ODF2: variants seen among roughly 807,000 people sequenced by gnomAD.
ODF2 encodes outer dense fiber of sperm tails 2, also known as outer dense fiber protein 2.
ODF2 carries 47 observed loss-of-function variants against 110.2 expected under a neutral mutation model. That is an observed-to-expected ratio of 0.43 (90% CI 0.34 to 0.54). ODF2 has a LOEUF of 0.54. ODF2 is among the 20% of genes least tolerant of loss of function. The pLI is 0.03. For missense variants in ODF2, 812 were observed against 1,054.5 expected, an observed-to-expected ratio of 0.77 and a Z score of 3.19; for synonymous variants, 352 against 397.7, an observed-to-expected ratio of 0.89 and a Z score of 1.37.
At chr9:128,496,463 G>A (rs1247766785) in intron 18 of ODF2, among the ~76,000 whole-genome samples, 1 of 152,194 alleles carries the variant, frequency 6.6e-6, no homozygotes, top group African/African-American at 2.4e-5. Flanking sequence ...GTATACTGTG[G>A]TGGGGGCACT....
intron 10 of ODF2, 94 bp from the exon 11 acceptor site, chr9:128,483,844 C>G (rs1355382328): frequency 2.4e-6 from 2 of 845,562 alleles, no homozygotes; most frequent in Non-Finnish European, 4.0e-6. Flanking sequence ...TGAGATTGCG[C>G]CACTGCACTC....
chr9:128,458,303 A>T (rs553839430), intron 2 of ODF2, among the ~76,000 whole-genome samples: 2 of 152,206 alleles, frequency 1.3e-5, no homozygotes, highest in Non-Finnish European at 2.9e-5. Flanking sequence ...AAACATAAAA[A>T]ATTAGCTGGG....
intron 18 of ODF2, chr9:128,496,353 A>G (rs2132291276): frequency 1.4e-6 from 2 of 1,423,268 alleles, no homozygotes; most frequent in African/African-American, 2.8e-5. Flanking sequence ...ACACTCCATG[A>G]CAGCATGATC....
intron 1 of ODF2, chr9:128,457,169 G>A (rs781183344): frequency 1.3e-6 from 2 of 1,491,718 alleles, no homozygotes; most frequent in Non-Finnish European, 1.8e-6. Context: ...AGGTCGCTCA[G>A]CCTCTACTAT....
chr9:128,481,483 A>AAAG, intron 8 of ODF2, 97 bp from the exon 9 acceptor site: 1 of 1,025,814 alleles, frequency 9.7e-7, no homozygotes, highest in Non-Finnish European at 1.4e-6. Flanking sequence ...AAAAAAAAAA[A>AAAG]AAATACAATT....
chr9:128,494,371 G>A lies in ODF2; in HGVS notation c.1753-139G>A, dbSNP rs1845220410. On this transcript the variant is annotated intron_variant, in intron 16 of 20. Coordinates refer to ENST00000604420, the Ensembl canonical transcript of ODF2. The surrounding 1 kb of genome is among the most constrained non-coding windows in gnomAD (Gnocchi z 4.6). Reference sequence around the variant, plus strand: ...GGGGAGTGTAGGCCACACTTCTGCTGTGGATTTTGCAGGATCCTCCACTGG... The same window carrying A: ...GGGGAGTGTAGGCCACACTTCTGCTATGGATTTTGCAGGATCCTCCACTGG... The A allele has an allele frequency of 2.8e-6, 2 of 708,000 alleles. No individual in the cohort carries two copies. The highest frequency in any genetic ancestry group is 3.7e-5 in the South Asian group (2 of 53,814). The allele number at this position is 708,000 out of a possible 1,614,324, so 43.9% of individuals were successfully genotyped here.
At chr9:128,460,389 C>T (rs935040016) in intron 3 of ODF2, 161 bp from the exon 3 acceptor site, 2 of 1,421,774 alleles carry the variant, frequency 1.4e-6, no homozygotes, top group African/African-American at 2.9e-5. Context: ...GAATGATACT[C>T]CCGCCTTACT....
At position 128,485,468 on chromosome 9, in the gene ODF2, T is replaced by G. The variant is rs1173122210; in HGVS notation, c.1394T>G (p.Leu465Arg). The G allele has an allele frequency of 6.4e-7, 1 of 1,551,770 alleles. No homozygotes were observed. Among genetic ancestry groups the G allele is most frequent in the Admixed American group, 1.7e-5 (1 of 59,672 alleles). The change falls in exon 13 of 21, where the codon CTG becomes CGG. Residue 465 changes from leucine (L) to arginine (R), a missense_variant. Leu to Arg is a moderately radical substitution (Grantham distance 102). Transcript: ENST00000604420. The surrounding 1 kb of genome is among the most constrained non-coding windows in gnomAD (Gnocchi z 5.0). ...GACCTTGAGCTGGAAATTATTGTCC[T>G]GAATGAGTACGTCTTAGAGTAGGAG...
chr9:128,499,308 C>T (rs1005373015), intron 20 of ODF2, among the ~76,000 whole-genome samples, 182 bp downstream of exon 20: 5 of 152,138 alleles, frequency 3.3e-5, no homozygotes, highest in Admixed American at 2.0e-4. Flanking sequence ...TATTTAGAGA[C>T]GGAGTCTCCC....
In ODF2 at chr9:128,484,996, G is replaced by A. The variant is rs1843102023; in HGVS notation, c.1290+110G>A. ...GGGGAGGGGTGGGTGGATGAGGGAT[G>A]GTAGTGGTGGAAAGGATAGATGGCT... On this transcript the variant is annotated intron_variant, in intron 12 of 20. Coordinates refer to ENST00000604420, the Ensembl canonical transcript of ODF2. 3.7e-5 allele frequency: 43 copies of A among 1,158,798 alleles called. No homozygotes were observed. The South Asian group carries it at 5.6e-4, about 15-fold the overall frequency. The allele number at this position is 1,158,798 out of a possible 1,614,324, so 71.8% of individuals were successfully genotyped here.
intron 8 of ODF2, among the ~76,000 whole-genome samples, chr9:128,475,156 C>A (rs1036891640): frequency 6.6e-6 from 1 of 152,060 alleles, no homozygotes; most frequent in African/African-American, 2.4e-5. Context: ...ATTTACATAG[C>A]ATTTACCTTG....
exon 8 of ODF2, chr9:128,473,703 A>G: frequency 6.2e-7 from 1 of 1,613,082 alleles, no homozygotes; most frequent in Non-Finnish European, 8.5e-7. Context: ...GACCAACCGC[A>G]CCCTCCGAGA....
At chr9:128,466,029 C>T (rs1435941649) in intron 4 of ODF2, among the ~76,000 whole-genome samples, 1 of 150,998 alleles carries the variant, frequency 6.6e-6, no homozygotes, top group African/African-American at 2.4e-5. Flanking sequence ...ATATCAGCTA[C>T]ACAGAAGGCT....
rs1264087726 is a variant in ODF2, at chr9:128,494,714, G to A, written c.1911+46G>A. ...GTCCCACGAACTGACCCGAGCAGGG[G>A]CCCGCATACCAAGATGAGCTGCACG... On this transcript the variant is annotated intron_variant, in intron 17 of 20. Transcript: ENST00000604420. The surrounding 1 kb of genome is among the most constrained non-coding windows in gnomAD (Gnocchi z 4.6). The A allele has an allele frequency of 1.2e-6, 2 of 1,614,114 alleles. No homozygotes were observed. Among genetic ancestry groups the A allele is most frequent in the South Asian group, 1.1e-5 (1 of 91,084 alleles).
intron 8 of ODF2, among the ~76,000 whole-genome samples, chr9:128,479,755 A>G (rs1251863336): frequency 6.6e-6 from 1 of 152,166 alleles, no homozygotes; most frequent in Non-Finnish European, 1.5e-5. Flanking sequence ...GCAGTGGCAT[A>G]TTAGAGACAC....
intron 4 of ODF2, among the ~76,000 whole-genome samples, chr9:128,467,247 A>T (rs534899297): frequency 1.3e-5 from 2 of 150,960 alleles, no homozygotes; most frequent in Non-Finnish European, 2.9e-5. Context: ...CGTACAGAAT[A>T]CTGTAGGCAA....
In ODF2 at chr9:128,492,299, A is replaced by G. The variant is rs553182948; in HGVS notation, c.1537-127A>G. ...TTACCTGCTTCTCGGTGCTTCTCTC[A>G]GGGAAAGTGCTCTGTGGGTTAGAGT... On this transcript the variant is annotated intron_variant, in intron 14 of 20. Coordinates refer to ENST00000604420, the Ensembl canonical transcript of ODF2. 2.5e-4 allele frequency: 168 copies of G among 683,772 alleles called. 1 individual carries two copies. The highest frequency in any genetic ancestry group is 1.2e-3 in the South Asian group (73 of 62,342). 42.4% of individuals were successfully genotyped at this position (683,772 alleles called of 1,614,324 possible). A position where few individuals can be genotyped will look rare whatever the true frequency, so the allele number is the denominator to read the frequency against.
exon 21 of ODF2, chr9:128,500,284 T>G (rs568492334): frequency 1.7e-5 from 28 of 1,610,290 alleles, no homozygotes; most frequent in Non-Finnish European, 2.4e-5. Flanking sequence ...GGAGCCCTGA[T>G]GGAAGCCATA....
intron 2 of ODF2, among the ~76,000 whole-genome samples, chr9:128,458,522 C>T (rs1207279728): frequency 6.7e-6 from 1 of 148,990 alleles, no homozygotes; most frequent in Non-Finnish European, 1.5e-5. Context: ...AGGCCCTTCC[C>T]ATCCTGGACT....
Sources: gnomAD v4.1 joint callset for allele counts (sites outside exome capture counted in the v4.1 genomes callset) on GRCh38, gnomAD v4.1.1 for gene constraint, Gnocchi (gnomAD v3.1) non-coding constraint, MANE v1.5 for transcripts, NCBI Gene and HGNC (gene_info 2026-07-23, HGNC 2026-07-21) for gene names.